CRPPA: variants seen among roughly 807,000 people sequenced by gnomAD.
CRPPA encodes the protein CDP-L-ribitol pyrophosphorylase A.
In CRPPA, 43 loss-of-function variants were observed where a neutral mutation model predicts 52.0. That is an observed-to-expected ratio of 0.83 (90% CI 0.65 to 1.07). The LOEUF is 1.07. Among genes scored for constraint, CRPPA ranks in the 50% least tolerant of loss-of-function variants. CRPPA has a pLI of 0.00. For synonymous variants in CRPPA, 250 were observed against 203.5 expected (o/e 1.23, Z -1.94); for missense variants, 629 against 551.7 (o/e 1.14, Z -1.40).
intron 9 of CRPPA, among the ~76,000 whole-genome samples, chr7:16,180,468 A>C (rs1212548517): frequency 2.0e-5 from 3 of 152,130 alleles, no homozygotes; most frequent in African/African-American, 7.2e-5. Flanking sequence ...TTTTTTAATA[A>C]GATGCTATCC....
intron 9 of CRPPA, among the ~76,000 whole-genome samples, chr7:16,149,660 A>G (rs1315649719): frequency 6.6e-6 from 1 of 152,226 alleles, no homozygotes; most frequent in Non-Finnish European, 1.5e-5. Flanking sequence ...CATAAAAATT[A>G]CAGTTAAGTT....
At chr7:16,107,753 G>A (rs1782186235) in intron 9 of CRPPA, among the ~76,000 whole-genome samples, 3 of 151,922 alleles carry the variant, frequency 2.0e-5, no homozygotes, top group Admixed American at 6.6e-5. Flanking sequence ...CCTAGTATGA[G>A]GGTTTTATAC....
At chr7:16,245,628 C>G (rs1311345227) in intron 8 of CRPPA, among the ~76,000 whole-genome samples, 1 of 152,102 alleles carries the variant, frequency 6.6e-6, no homozygotes, top group Non-Finnish European at 1.5e-5. Flanking sequence ...GGTAATAATG[C>G]TCATAATATC....
intron 3 of CRPPA, among the ~76,000 whole-genome samples, chr7:16,343,208 T>C (rs1031729548): frequency 6.6e-6 from 1 of 152,122 alleles, no homozygotes; most frequent in African/African-American, 2.4e-5. Flanking sequence ...AATCATTTTT[T>C]TTTAAATAAA....
chr7:16,293,985 C>A (rs545496437), intron 5 of CRPPA, among the ~76,000 whole-genome samples: 1 of 152,062 alleles, frequency 6.6e-6, no homozygotes, highest in African/African-American at 2.4e-5. Context: ...ACTCCCTGCT[C>A]CTTAAAACTA....
intron 4 of CRPPA, among the ~76,000 whole-genome samples, chr7:16,307,751 A>T (rs1355267008): frequency 2.6e-5 from 4 of 151,418 alleles, no homozygotes; most frequent in Non-Finnish European, 5.9e-5. Flanking sequence ...GAAACAGTCT[A>T]ATTCCTCACA....
At chr7:16,390,915 G>A (rs1787424918) in intron 2 of CRPPA, among the ~76,000 whole-genome samples, 2 of 152,080 alleles carry the variant, frequency 1.3e-5, no homozygotes, top group South Asian at 4.1e-4. Context: ...GGTCTGTTAG[G>A]CTTAGTTCAG....
chr7:16,304,849 C>T (rs1341425733), intron 4 of CRPPA, among the ~76,000 whole-genome samples: 1 of 152,082 alleles, frequency 6.6e-6, no homozygotes, highest in East Asian at 1.9e-4. Context: ...CTTCCTTCGC[C>T]TTACACTGTT....
chr7:16,310,213 C>T (rs545443045), intron 3 of CRPPA, among the ~76,000 whole-genome samples: 92 of 152,212 alleles, frequency 6.0e-4, no homozygotes, highest in South Asian at 3.3e-3. Flanking sequence ...CGCAAACAGA[C>T]AGACACTGAA....
At chr7:16,302,533 T>G (rs1042868751) in intron 4 of CRPPA, among the ~76,000 whole-genome samples, 7 of 152,102 alleles carry the variant, frequency 4.6e-5, no homozygotes, top group African/African-American at 1.4e-4. Flanking sequence ...TATAAGGTCT[T>G]AAAAGCTACA....
rs1295279819 is a variant in CRPPA at position 16,090,447 on chromosome 7, T to C, written c.*1248A>G. ...GGCTGGGTATGGTGGCTCACACCTA[T>C]AATCCCAGCATTTTGGGAGGCCGAG... is the stretch of plus-strand genomic sequence containing the variant. On this transcript the variant is annotated 3_prime_UTR_variant, in exon 10 of 10. Transcript: ENST00000407010. 1 of 148,616 alleles carries C rather than the reference T, an allele frequency of 6.7e-6. No homozygotes were observed. The highest frequency in any genetic ancestry group is 2.5e-5 in the African/African-American group (1 of 40,096). The allele number at this position is 148,616 out of a possible 1,614,324, so 9.2% of individuals were successfully genotyped here.
At chr7:16,145,728 A>G (rs948477686) in intron 9 of CRPPA, among the ~76,000 whole-genome samples, 1 of 152,126 alleles carries the variant, frequency 6.6e-6, no homozygotes, top group Non-Finnish European at 1.5e-5. Flanking sequence ...CTCCAGCAGA[A>G]GAAATAATCA....
Position 16,421,402 on chromosome 7 carries a change from G to T in CRPPA, c.-80C>A. On this transcript the variant is annotated 5_prime_UTR_variant, in exon 1 of 10. Coordinates refer to ENST00000407010, the MANE Select transcript of CRPPA (RefSeq NM_001101426.4). ...TGCTCCCACCCTCGGCCGGGGTCGC[G>T]GGGCGAAGGGCAGACCACGGAGAGG... is the stretch of plus-strand genomic sequence containing the variant. 8.4e-7 allele frequency: 1 copy of T among 1,193,582 alleles called. No individual in the cohort carries two copies. The highest frequency in any genetic ancestry group is 1.0e-6 in the Non-Finnish European group (1 of 959,226). The allele number at this position is 1,193,582 out of a possible 1,614,324, so 73.9% of individuals were successfully genotyped here. A position where few individuals can be genotyped will look rare whatever the true frequency, so the allele number is the denominator to read the frequency against.
At chr7:16,340,783 T>C (rs944097014) in intron 3 of CRPPA, among the ~76,000 whole-genome samples, 4 of 152,152 alleles carry the variant, frequency 2.6e-5, no homozygotes, top group Admixed American at 2.0e-4. Context: ...TGAAAATTTA[T>C]ACTCACTCAA....
chr7:16,379,654 CTT>C lies in CRPPA; in HGVS notation c.535-3415_535-3414del, dbSNP rs1018497379. Among the ~76,000 whole-genome samples the C allele has an allele frequency of 2.5e-3, 374 of 152,302 alleles. 4 individuals are homozygous for C. The highest frequency in any genetic ancestry group is 8.5e-3 in the African/African-American group (352 of 41,558). ...ATGTTCTTCCATTTCTTTGTATCCT[CTT>C]TTATTTCATTGAGCAGTGGTTTGTA... On this transcript the variant is annotated intron_variant, in intron 2 of 9. Coordinates refer to ENST00000407010, the MANE Select transcript of CRPPA (RefSeq NM_001101426.4).
chr7:16,373,677 G>T (rs541944078), intron 3 of CRPPA, among the ~76,000 whole-genome samples: 40 of 152,292 alleles, frequency 2.6e-4, no homozygotes, highest in African/African-American at 8.9e-4. Context: ...ATAATTACAG[G>T]ATAACTAAAT....
At chr7:16,317,343 T>C (rs1243421367) in intron 3 of CRPPA, among the ~76,000 whole-genome samples, 1 of 152,228 alleles carries the variant, frequency 6.6e-6, no homozygotes, top group East Asian at 1.9e-4. Context: ...TGACAAGTTC[T>C]TGATAAAATC....
chr7:16,121,165 C>T (rs1319159374), intron 9 of CRPPA, among the ~76,000 whole-genome samples: 2 of 151,990 alleles, frequency 1.3e-5, no homozygotes, highest in Non-Finnish European at 2.9e-5. Flanking sequence ...TCTAGAGAGT[C>T]CGACCACTTC....
intron 9 of CRPPA, among the ~76,000 whole-genome samples, chr7:16,113,890 A>G (rs1207102977): frequency 1.3e-5 from 2 of 152,092 alleles, no homozygotes; most frequent in Non-Finnish European, 2.9e-5. Flanking sequence ...GGCATGGAAA[A>G]TTTAAAAATG....
Sources: gnomAD v4.1 joint callset for allele counts (sites outside exome capture counted in the v4.1 genomes callset) on GRCh38, gnomAD v4.1.1 for gene constraint, MANE v1.5 for transcripts, NCBI Gene and HGNC (gene_info 2026-07-23, HGNC 2026-07-21) for gene names.